The following ANKRD36 variants were observed in gnomAD, a reference collection of about 807,000 sequenced individuals.
ANKRD36 encodes ankyrin repeat domain 36.
In ANKRD36, 179 loss-of-function variants were observed where a neutral mutation model predicts 278.1. That is an observed-to-expected ratio of 0.64 (90% CI 0.57 to 0.73). The LOEUF (loss-of-function observed/expected upper bound fraction) is 0.73. Among genes scored for constraint, ANKRD36 ranks in the 30% least tolerant of loss-of-function variants. The pLI is 0.00. For missense variants in ANKRD36, 1,159 were observed against 1,956.7 expected, an observed-to-expected ratio of 0.59 and a Z score of 7.69; for synonymous variants, 320 against 641.1, an observed-to-expected ratio of 0.50 and a Z score of 7.57.
chr2:97,115,671 T>C (rs959696063), intron 1 of ANKRD36, among the ~76,000 whole-genome samples: 6 of 149,400 alleles, frequency 4.0e-5, no homozygotes, highest in Non-Finnish European at 5.9e-5. Flanking sequence ...TTTGTGAGGG[T>C]AAAGGGTAGC....
At chr2:97,201,716 A>G (rs1300818175) in intron 46 of ANKRD36, among the ~76,000 whole-genome samples, 2 of 151,922 alleles carry the variant, frequency 1.3e-5, no homozygotes, top group Non-Finnish European at 2.9e-5. Context: ...GTGAAGTATA[A>G]GTTCAACTGA....
At chr2:97,168,667 C>G (rs1184592588) in intron 22 of ANKRD36, among the ~76,000 whole-genome samples, 2 of 151,972 alleles carry the variant, frequency 1.3e-5, no homozygotes, top group African/African-American at 2.4e-5. Flanking sequence ...TCCATGTGTT[C>G]TCATTGTTCA....
At chr2:97,163,652 T>A in intron 18 of ANKRD36, 2 of 180,464 alleles carry the variant, frequency 1.1e-5, no homozygotes, top group South Asian at 1.3e-4. Flanking sequence ...CTCGGCTCAC[T>A]GCGAACTCCG....
chr2:97,180,857 T>C (rs2055981462), intron 24 of ANKRD36, among the ~76,000 whole-genome samples: 1 of 151,708 alleles, frequency 6.6e-6, no homozygotes, highest in African/African-American at 2.4e-5. Flanking sequence ...GTAAAACTTA[T>C]TAATATCTAA....
chr2:97,223,062 T>C (rs1177756252), intron 66 of ANKRD36, among the ~76,000 whole-genome samples: 1 of 151,898 alleles, frequency 6.6e-6, no homozygotes, highest in African/African-American at 2.4e-5. Context: ...TTTTTCATTT[T>C]TGACAATTAT....
intron 70 of ANKRD36, 123 bp downstream of exon 70, chr2:97,244,152 A>C: frequency 1.6e-6 from 2 of 1,275,826 alleles, no homozygotes; most frequent in South Asian, 3.4e-5. Context: ...CATCTTAAAA[A>C]TGAATCATGG....
At chr2:97,144,613 G>T (rs780650998) in intron 9 of ANKRD36, 27 bp from the exon 10 acceptor site, 2 of 1,553,540 alleles carry the variant, frequency 1.3e-6, no homozygotes, top group Non-Finnish European at 1.7e-6. Context: ...TGTAGGTATT[G>T]ATTATTTTGT....
Position 97,192,868 on chromosome 2 carries a change from G to T in ANKRD36, c.2358G>T (p.Gln786His). The T allele has an allele frequency of 6.2e-7, 1 of 1,603,708 alleles. No individual in the cohort carries two copies. Among genetic ancestry groups the T allele is most frequent in the Non-Finnish European group, 8.5e-7 (1 of 1,177,560 alleles). The change falls in exon 37 of 76, where the codon CAG becomes CAT. Residue 786 changes from glutamine (Q) to histidine (H), a missense_variant. Gln to His is a conservative substitution (Grantham distance 24, BLOSUM62 0). Transcript: ENST00000420699. ...CCTTTTGCTTTTCAGTGTCTTCTCA[G>T]AAACCACCAGCCTTGACGGTAATGA... ...DGEKSGTVSS[Q>H]KPPALTATSD...
chr2:97,116,112 T>C (rs1167199302), intron 1 of ANKRD36, among the ~76,000 whole-genome samples: 1 of 152,136 alleles, frequency 6.6e-6, no homozygotes, highest in Non-Finnish European at 1.5e-5. Flanking sequence ...GGCAGGTGTA[T>C]TGTGATATTT....
At position 97,194,836 on chromosome 2, in the gene ANKRD36, T is replaced by C. The variant is rs774635974; in HGVS notation, c.2479-9T>C. 1 of 1,595,396 alleles carries C rather than the reference T, an allele frequency of 6.3e-7. No individual in the cohort carries two copies. The highest frequency in any genetic ancestry group is 2.3e-5 in the East Asian group (1 of 43,892). On this transcript the variant is annotated splice_polypyrimidine_tract_variant and intron_variant, in intron 39 of 75. Coordinates refer to ENST00000420699, the MANE Select transcript of ANKRD36 (RefSeq NM_001354587.1). ...CCTTATTTATTATTTTGTTTCAAAT[T>C]CCACTCAGGCTACAAGTGATGAGAA...
At chr2:97,186,176 A>G (rs1224834644) in intron 30 of ANKRD36, among the ~76,000 whole-genome samples, 2 of 151,800 alleles carry the variant, frequency 1.3e-5, no homozygotes, top group Non-Finnish European at 2.9e-5. Context: ...TCTGTTTGCT[A>G]CTATTAGGCA....
At chr2:97,189,141 G>T in intron 33 of ANKRD36, 26 bp downstream of exon 33, 1 of 756,500 alleles carries the variant, frequency 1.3e-6, no homozygotes. Context: ...TTTACATTGT[G>T]AACTAGTAAT....
At chr2:97,197,997 C>T (rs373181951) in intron 42 of ANKRD36, among the ~76,000 whole-genome samples, 8 of 151,968 alleles carry the variant, frequency 5.3e-5, no homozygotes, top group African/African-American at 9.6e-5. Context: ...GAATTGTCAT[C>T]GTAATTGTGT....
At chr2:97,151,102 T>G (rs1362780524) in intron 12 of ANKRD36, among the ~76,000 whole-genome samples, 2 of 152,022 alleles carry the variant, frequency 1.3e-5, no homozygotes, top group Non-Finnish European at 2.9e-5. Flanking sequence ...GATTGACTGG[T>G]CATGTCTCTT....
At chr2:97,194,581 C>A in intron 38 of ANKRD36, 145 bp from the exon 39 acceptor site, 3 of 1,465,222 alleles carry the variant, frequency 2.0e-6, no homozygotes, top group Non-Finnish European at 2.8e-6. Context: ...CTGACATGTT[C>A]TGGTCCCCAG....
chr2:97,221,644 ATTTG>A (rs2067718630), intron 66 of ANKRD36, among the ~76,000 whole-genome samples: 2 of 149,764 alleles, frequency 1.3e-5, no homozygotes, highest in Admixed American at 1.3e-4. Context: ...TTTCTTGTAA[ATTTG>A]TTTGGGTTCA....
In ANKRD36 at chr2:97,155,295, G is replaced by A. The variant is rs1233574725; in HGVS notation, c.1260+554G>A. Among the ~76,000 whole-genome samples, 2 of 142,932 alleles carry A rather than the reference G, an allele frequency of 1.4e-5. 1 individual carries two copies. Among genetic ancestry groups the A allele is most frequent in the Non-Finnish European group, 3.2e-5 (2 of 63,246 alleles). The allele number at this position is 142,932 out of a possible 152,430, so 93.8% of individuals were successfully genotyped here. On this transcript the variant is annotated intron_variant, in intron 15 of 75. Transcript: ENST00000420699. ...TTTATTCTTGGTTCTATATATTTAG[G>A]CTAAAATAATATTACAAATTGTGGA... is the stretch of plus-strand genomic sequence containing the variant.
chr2:97,197,998 G>A (rs1195698218), intron 42 of ANKRD36, among the ~76,000 whole-genome samples: 7 of 151,872 alleles, frequency 4.6e-5, no homozygotes, highest in Non-Finnish European at 4.4e-5. Flanking sequence ...AATTGTCATC[G>A]TAATTGTGTG....
Position 97,204,213 on chromosome 2 carries a change from C to G in ANKRD36, c.3011C>G (p.Ser1004Cys), listed in dbSNP as rs1262641710. 6.3e-7 allele frequency: 1 copy of G among 1,584,078 alleles called. No homozygotes were observed. Among genetic ancestry groups the G allele is most frequent in the East Asian group, 2.3e-5 (1 of 43,162 alleles). Residue 1004 changes from serine (S) to cysteine (C), a missense_variant, in exon 50 of 76, where the codon TCT (serine) becomes TGT (cysteine). Transcript: ENST00000420699. ...GLKATSDEKD[S>C]VLNIARGKKD... ...CAGGCTACAAGTGATGAGAAAGATTCTGTTTTGAATATAGCCAGAGGAAAA... is the reference window on the plus strand; with the variant it reads ...CAGGCTACAAGTGATGAGAAAGATTGTGTTTTGAATATAGCCAGAGGAAAA...
Sources: allele counts gnomAD v4.1 joint callset (sites outside exome capture counted in the v4.1 genomes callset), GRCh38; gene constraint gnomAD v4.1.1; transcripts MANE v1.5; gene names NCBI Gene and HGNC (gene_info 2026-07-23, HGNC 2026-07-21).